TCF20: variants seen among roughly 807,000 people sequenced by gnomAD.
TCF20 encodes the protein transcription factor 20.
A neutral mutation model predicts 148.6 loss-of-function variants in TCF20; 3 were observed. That is an observed-to-expected ratio of 0.02 (90% CI 0.01 to 0.05). The LOEUF is 0.05. TCF20 is among the 10% of genes least tolerant of loss of function. The pLI is 1.00. For missense variants in TCF20, 2,350 were observed against 2,429.3 expected, an observed-to-expected ratio of 0.97 and a Z score of 0.69; for synonymous variants, 1,049 against 909.5, an observed-to-expected ratio of 1.15 and a Z score of -2.76.
intron 1 of TCF20, among the ~76,000 whole-genome samples, chr22:42,232,907 T>C (rs1332716126): frequency 6.6e-6 from 1 of 152,200 alleles, no homozygotes; most frequent in Admixed American, 6.5e-5. Context: ...AGTGTTTAAA[T>C]TATGTGCAAT....
chr22:42,310,671 C>A (rs992807867), intron 1 of TCF20, among the ~76,000 whole-genome samples: 1 of 150,878 alleles, frequency 6.6e-6, no homozygotes, highest in African/African-American at 2.5e-5. Context: ...TGCAAGGAGA[C>A]AGGGCCTGTG....
chr22:42,223,755 A>G (rs1263721150), intron 1 of TCF20, among the ~76,000 whole-genome samples: 1 of 152,124 alleles, frequency 6.6e-6, no homozygotes, highest in Non-Finnish European at 1.5e-5. Flanking sequence ...TATCTGTAAC[A>G]CCTGTATCGT....
At chr22:42,275,630 C>A (rs1926761995), upstream of TCF20, among the ~76,000 whole-genome samples, 4 of 152,320 alleles carry the variant, frequency 2.6e-5, no homozygotes, top group South Asian at 6.2e-4. Flanking sequence ...TGATCCCATT[C>A]ACTCCTCACA....
chr22:42,290,701 G>A lies in TCF20; in HGVS notation c.-37+52778C>T, dbSNP rs1270039174. Among the ~76,000 whole-genome samples, 1 of 152,236 alleles carries A rather than the reference G, an allele frequency of 6.6e-6. No individual in the cohort carries two copies. Among genetic ancestry groups the A allele is most frequent in the Non-Finnish European group, 1.5e-5 (1 of 68,038 alleles). The stretch of plus-strand genomic sequence containing the variant: ...ACACCGCTGGGCCTGCCCCTTCAGC[G>A]TTGGTCGCTGGGCTAACACTAGGCC... On this transcript the variant is annotated intron_variant, in intron 1 of 1. Coordinates refer to the TCF20 transcript ENST00000515426. The surrounding 1 kb of genome is among the most constrained non-coding windows in gnomAD (Gnocchi z 4.2).
chr22:42,186,641 T>C (rs1937060512), intron 2 of TCF20, among the ~76,000 whole-genome samples: 2 of 152,204 alleles, frequency 1.3e-5, no homozygotes, highest in Non-Finnish European at 2.9e-5. Flanking sequence ...CTAGCTGCTG[T>C]ATGTTTCAGT....
At chr22:42,200,031 G>C (rs190580688) in intron 2 of TCF20, among the ~76,000 whole-genome samples, 1 of 151,758 alleles carries the variant, frequency 6.6e-6, no homozygotes, top group African/African-American at 2.4e-5. Flanking sequence ...TTTCAATTTG[G>C]ATTTAAAAAT....
intron 2 of TCF20, among the ~76,000 whole-genome samples, chr22:42,199,583 A>G (rs943664540): frequency 1.3e-5 from 2 of 152,006 alleles, no homozygotes; most frequent in African/African-American, 2.4e-5. Flanking sequence ...TTAAAAGTCT[A>G]AACAGGCCAG....
intron 1 of TCF20, among the ~76,000 whole-genome samples, chr22:42,322,822 C>T (rs563255574): frequency 6.6e-6 from 1 of 151,616 alleles, no homozygotes; most frequent in Admixed American, 6.6e-5. Flanking sequence ...GAATGTGCCT[C>T]CTGGCAGTGG....
At position 42,251,544 on chromosome 22, in the gene TCF20, C is replaced by T. The variant is rs188227874; in HGVS notation, c.-37+18795G>A. On this transcript the variant is annotated intron_variant, in intron 1 of 5. Transcript: ENST00000677622. ...TTGAGACAGAATCTCACTCTGTCAC[C>T]CAGGTTGGAGTACAGTGGCATGATC... is the stretch of plus-strand genomic sequence containing the variant. Among the ~76,000 whole-genome samples the T allele has an allele frequency of 1.7e-3, 229 of 131,218 alleles. 1 individual carries two copies. Among genetic ancestry groups the T allele is most frequent in the African/African-American group, 6.3e-3 (223 of 35,612 alleles). The allele number at this position is 131,218 out of a possible 152,430, so 86.1% of individuals were successfully genotyped here. A position where few individuals can be genotyped will look rare whatever the true frequency, so the allele number is the denominator to read the frequency against.
At chr22:42,336,673 A>C (rs1332046535) in intron 1 of TCF20, among the ~76,000 whole-genome samples, 3 of 151,566 alleles carry the variant, frequency 2.0e-5, no homozygotes, top group Admixed American at 6.6e-5. Context: ...CTCCACACAC[A>C]CACCTATCCA....
intron 2 of TCF20, among the ~76,000 whole-genome samples, chr22:42,206,822 C>T (rs114807848): frequency 1.7e-3 from 263 of 152,280 alleles, no homozygotes; most frequent in African/African-American, 5.9e-3. Context: ...TCTATGGGCA[C>T]TTCTTTTTGC....
chr22:42,220,826 A>G (rs1397601789), intron 1 of TCF20, among the ~76,000 whole-genome samples: 2 of 152,122 alleles, frequency 1.3e-5, no homozygotes, highest in African/African-American at 4.8e-5. Context: ...CTGCAGCTCC[A>G]TCGGGCAACC....
chr22:42,227,917 T>A (rs145820469), intron 1 of TCF20, among the ~76,000 whole-genome samples: 158 of 152,328 alleles, frequency 1.0e-3, no homozygotes, highest in African/African-American at 3.5e-3. Flanking sequence ...AGAGATGTAG[T>A]GTCTCAGGCC....
At chr22:42,302,387 C>T (rs1226642524) in intron 1 of TCF20, among the ~76,000 whole-genome samples, 1 of 152,174 alleles carries the variant, frequency 6.6e-6, no homozygotes, top group Non-Finnish European at 1.5e-5. Context: ...GGGGGCTGAG[C>T]GTACAGAGGC....
chr22:42,280,886 A>G (rs1926887508), intron 1 of TCF20, among the ~76,000 whole-genome samples: 1 of 152,216 alleles, frequency 6.6e-6, no homozygotes. Context: ...ATTATTACCC[A>G]AGAACACAAA....
At chr22:42,294,515 T>C (rs984750919) in intron 1 of TCF20, among the ~76,000 whole-genome samples, 6 of 151,380 alleles carry the variant, frequency 4.0e-5, no homozygotes, top group East Asian at 1.9e-4. Context: ...GGCGAGCAGG[T>C]TGGGAAAGGG....
intron 2 of TCF20, among the ~76,000 whole-genome samples, chr22:42,187,729 A>G (rs1399461296): frequency 2.0e-5 from 3 of 152,254 alleles, no homozygotes; most frequent in Non-Finnish European, 4.4e-5. Flanking sequence ...GGTTGGGATT[A>G]AAGGACTTTT....
At position 42,338,385 on chromosome 22, in the gene TCF20, G is replaced by A. The variant is rs957609022; in HGVS notation, c.-37+5094C>T. On this transcript the variant is annotated intron_variant, in intron 1 of 1. Coordinates refer to the TCF20 transcript ENST00000515426. The surrounding 1 kb of genome is among the most constrained non-coding windows in gnomAD (Gnocchi z 4.0). Reference sequence around the variant, plus strand: ...TCTGCATTTTCACGGAGGCCTCAGGGGGACACAAAGCTTAAATGGCAGCGC... The same window carrying A: ...TCTGCATTTTCACGGAGGCCTCAGGAGGACACAAAGCTTAAATGGCAGCGC... Among the ~76,000 whole-genome samples, 2 of 152,068 alleles carry A rather than the reference G, an allele frequency of 1.3e-5. No individual in the cohort carries two copies. Among genetic ancestry groups the A allele is most frequent in the Non-Finnish European group, 2.9e-5 (2 of 68,010 alleles).
At chr22:42,189,813 C>T (rs2147124808) in intron 2 of TCF20, among the ~76,000 whole-genome samples, 1 of 152,326 alleles carries the variant, frequency 6.6e-6, no homozygotes, top group Middle Eastern at 3.4e-3. Context: ...CCTCTGTGTA[C>T]CTTCCTTATA....
Sources: allele counts gnomAD v4.1 joint callset (sites outside exome capture counted in the v4.1 genomes callset), GRCh38; gene constraint gnomAD v4.1.1; non-coding constraint Gnocchi (gnomAD v3.1); transcripts MANE v1.5; gene names NCBI Gene and HGNC (gene_info 2026-07-23, HGNC 2026-07-21).